Variants in RSRP1 observed in about 807,000 individuals in gnomAD.
RSRP1 encodes the protein arginine/serine-rich protein 1.
In RSRP1, 37 loss-of-function variants were observed where a neutral mutation model predicts 33.0. The observed-to-expected ratio is 1.12, with a 90% CI of 0.86 to 1.48. The LOEUF is 1.48. Among genes scored for constraint, RSRP1 ranks in the 40% most tolerant of loss-of-function variants. RSRP1 has a pLI of 0.00. For missense variants in RSRP1, 402 were observed against 385.3 expected, an observed-to-expected ratio of 1.04 and a Z score of -0.36; for synonymous variants, 167 against 158.7, an observed-to-expected ratio of 1.05 and a Z score of -0.40.
chr1:25,321,373 A>G (rs1644689347), intron 1 of RSRP1, among the ~76,000 whole-genome samples: 1 of 124,888 alleles, frequency 8.0e-6, no homozygotes, highest in Non-Finnish European at 1.9e-5. Context: ...AAATGTCTAC[A>G]GAATCGGCCA....
intron 1 of RSRP1, among the ~76,000 whole-genome samples, chr1:25,306,385 A>G (rs1643837244): frequency 7.6e-6 from 1 of 130,782 alleles, no homozygotes; most frequent in South Asian, 2.3e-4. Context: ...ATGCTGTTAG[A>G]CCCCACCCCA....
rs866686488 is a variant in RSRP1 at position 25,299,309 on chromosome 1, C to T, written c.-67+38669G>A. ...AAGCAGGAGAATCGCTTGAACCCAA[C>T]GGGTGGAGGTTGCAGTGAGCCAAGA... is the stretch of plus-strand genomic sequence containing the variant. On this transcript the variant is annotated intron_variant, in intron 1 of 1. Coordinates refer to the RSRP1 transcript ENST00000561867. Among the ~76,000 whole-genome samples the T allele has an allele frequency of 6.1e-5, 8 of 130,256 alleles. 2 individuals are homozygous for T. The highest frequency in any genetic ancestry group is 2.3e-4 in the South Asian group (1 of 4,288). 85.5% of individuals were successfully genotyped at this position (130,256 alleles called of 152,430 possible). A position where few individuals can be genotyped will look rare whatever the true frequency, so the allele number is the denominator to read the frequency against.
chr1:25,311,098 G>A lies in RSRP1; in HGVS notation c.-67+26880C>T, dbSNP rs151179488. Among the ~76,000 whole-genome samples, 25 of 132,800 alleles carry A rather than the reference G, an allele frequency of 1.9e-4. 4 individuals carry two copies. In the East Asian group the frequency reaches 2.5e-3, roughly 13 times the overall value. The allele number at this position is 132,800 out of a possible 152,430, so 87.1% of individuals were successfully genotyped here. ...GAACTTCTTAATGGTTACTGAAGTCGTTGAGATCAGAGTGCTGATAGAAAT... is the reference window on the plus strand; with the variant it reads ...GAACTTCTTAATGGTTACTGAAGTCATTGAGATCAGAGTGCTGATAGAAAT... On this transcript the variant is annotated intron_variant, in intron 1 of 1. Coordinates refer to the RSRP1 transcript ENST00000561867.
Position 25,270,945 on chromosome 1 carries a change from A to G in RSRP1, c.-66-23916T>C, listed in dbSNP as rs527411094. Among the ~76,000 whole-genome samples the G allele has an allele frequency of 1.5e-5, 2 of 130,312 alleles. 1 individual carries two copies. The highest frequency in any genetic ancestry group is 5.2e-5 in the African/African-American group (2 of 38,214). 85.5% of individuals were successfully genotyped at this position (130,312 alleles called of 152,430 possible). A position where few individuals can be genotyped will look rare whatever the true frequency, so the allele number is the denominator to read the frequency against. On this transcript the variant is annotated intron_variant, in intron 1 of 1. Transcript: ENST00000561867. ...AACTTTTTTCTATGCGTGTGCTAACATATTATTTTATAAGAGTGGGAATAT... is the reference window on the plus strand; with the variant it reads ...AACTTTTTTCTATGCGTGTGCTAACGTATTATTTTATAAGAGTGGGAATAT...
chr1:25,332,832 T>C (rs1437234985), intron 1 of RSRP1, among the ~76,000 whole-genome samples: 3 of 132,306 alleles, frequency 2.3e-5, no homozygotes, highest in South Asian at 4.6e-4. Context: ...TACATAGATA[T>C]ATAAGAGAGG....
At chr1:25,245,051 C>G in intron 3 of RSRP1, 99 bp downstream of exon 3, 2 of 1,608,086 alleles carry the variant, frequency 1.2e-6, no homozygotes, top group Non-Finnish European at 1.7e-6. Context: ...ATATACATCT[C>G]TAGACTTCCC....
chr1:25,248,473 G>A (rs916282516), upstream of RSRP1, among the ~76,000 whole-genome samples: 1 of 151,296 alleles, frequency 6.6e-6, no homozygotes, highest in African/African-American at 2.4e-5. Context: ...GCACCACCAT[G>A]CTAATTTTTG....
In RSRP1 at chr1:25,300,789, G is replaced by A. The variant is rs141043452; in HGVS notation, c.-67+37189C>T. 3.8e-4 allele frequency among the ~76,000 whole-genome samples: 50 copies of A among 132,280 alleles called. 13 individuals carry two copies. Among genetic ancestry groups the A allele is most frequent in the Non-Finnish European group, 7.0e-4 (39 of 55,844 alleles). The allele number at this position is 132,280 out of a possible 152,430, so 86.8% of individuals were successfully genotyped here. A position where few individuals can be genotyped will look rare whatever the true frequency, so the allele number is the denominator to read the frequency against. On this transcript the variant is annotated intron_variant, in intron 1 of 1. Coordinates refer to the RSRP1 transcript ENST00000561867. ...GTGCCATTGCACTCCAGCCTGGGCA[G>A]AGCCTGCTGGGTTGGGCTGGGTAAG... is the stretch of plus-strand genomic sequence containing the variant.
chr1:25,261,837 G>A lies in RSRP1; in HGVS notation c.-66-14808C>T, dbSNP rs564612003. Among the ~76,000 whole-genome samples, 710 of 147,612 alleles carry A rather than the reference G, an allele frequency of 4.8e-3. 2 individuals carry two copies. Among genetic ancestry groups the A allele is most frequent in the African/African-American group, 0.017 (660 of 39,402 alleles). On this transcript the variant is annotated intron_variant, in intron 1 of 1. Transcript: ENST00000561867. ...AGCGATTCTCCCACCTCTGCCTCCC[G>A]TGTAGCTGGGATCACAGGCACACGC...
rs372491274 is a variant in RSRP1 at position 25,303,502 on chromosome 1, C to A, written c.-67+34476G>T. ...TAACCTCCTCTGCTTTGGCTGAAGG[C>A]CAGCAGGACGCTGGGACCTGATGGG... On this transcript the variant is annotated intron_variant, in intron 1 of 1. Coordinates refer to the RSRP1 transcript ENST00000561867. The A allele has an allele frequency of 1.1e-4, 155 of 1,373,562 alleles. 17 individuals are homozygous for A. In the African/African-American group the frequency reaches 2.0e-3, roughly 17 times the overall value. 85.1% of individuals were successfully genotyped at this position (1,373,562 alleles called of 1,614,324 possible).
chr1:25,279,282 G>C (rs1012388678), intron 1 of RSRP1, among the ~76,000 whole-genome samples: 1 of 128,478 alleles, frequency 7.8e-6, no homozygotes, highest in Non-Finnish European at 1.8e-5. Context: ...GAAGTGACTT[G>C]CATGAGCCAG....
At chr1:25,251,317 T>C (rs1639773387), upstream of RSRP1, among the ~76,000 whole-genome samples, 1 of 152,238 alleles carries the variant, frequency 6.6e-6, no homozygotes, top group South Asian at 2.1e-4. Context: ...ATTATGGTTA[T>C]TTATTACCAC....
At chr1:25,312,944 A>AAAAAAAAAG (rs1644237572) in intron 1 of RSRP1, among the ~76,000 whole-genome samples, 1 of 109,944 alleles carries the variant, frequency 9.1e-6, no homozygotes, top group South Asian at 2.8e-4. Context: ...AAAAAAAAAA[A>AAAAAAAAAG]AAAAAAAAAA....
intron 1 of RSRP1, 114 bp from the exon 2 acceptor site, chr1:25,247,143 G>T: frequency 6.1e-6 from 4 of 650,908 alleles, no homozygotes; most frequent in Non-Finnish European, 9.7e-6. Flanking sequence ...GGCGGCGACC[G>T]CCGCGACAGG....
In RSRP1 at chr1:25,332,948, A is replaced by G. The variant is rs1010693468; in HGVS notation, c.-67+5030T>C. 3.8e-5 allele frequency among the ~76,000 whole-genome samples: 5 copies of G among 131,788 alleles called. 1 individual carries two copies. Among genetic ancestry groups the G allele is most frequent in the African/African-American group, 1.3e-4 (5 of 38,644 alleles). The allele number at this position is 131,788 out of a possible 152,430, so 86.5% of individuals were successfully genotyped here. Reference sequence around the variant, plus strand: ...GGATACTGGTAGCATGGCTCAGTCCAAGTCCCAAAGTCTCAGAATCAGGAA... The same window carrying G: ...GGATACTGGTAGCATGGCTCAGTCCGAGTCCCAAAGTCTCAGAATCAGGAA... On this transcript the variant is annotated intron_variant, in intron 1 of 1. Transcript: ENST00000561867.
In RSRP1 at chr1:25,242,659, T is replaced by A; in HGVS notation, c.803A>T (p.Glu268Val). 6.2e-7 allele frequency: 1 copy of A among 1,612,156 alleles called. No individual in the cohort carries two copies. The highest frequency in any genetic ancestry group is 8.5e-7 in the Non-Finnish European group (1 of 1,179,944). The stretch of plus-strand genomic sequence containing the variant: ...TTTTGGTGATCTTGAAGATGCCTCT[T>A]CTGTGGCAGCTTTAGCTGATTTTTG... ...PIQKSAKAAT[E>V]EASSRSPKID... is the part of the protein sequence containing the mutation. Residue 268 changes from glutamate (E) to valine (V), a missense_variant, in exon 5 of 5, where the codon GAA (glutamate) becomes GTA (valine). Glu to Val is a moderately radical substitution (Grantham distance 121). Transcript: ENST00000243189.
chr1:25,254,453 T>C (rs758979787), intron 1 of RSRP1, among the ~76,000 whole-genome samples: 46 of 152,126 alleles, frequency 3.0e-4, no homozygotes, highest in Admixed American at 6.5e-4. Flanking sequence ...TGTTTTGTTT[T>C]GAGACAGAGT....
chr1:25,320,104 G>A (rs1235081576), intron 1 of RSRP1, among the ~76,000 whole-genome samples: 1 of 130,964 alleles, frequency 7.6e-6, no homozygotes, highest in East Asian at 2.0e-4. Flanking sequence ...CTCCATGTTG[G>A]TCATGCTGGT....
intron 1 of RSRP1, among the ~76,000 whole-genome samples, chr1:25,332,075 C>T (rs2986143): frequency 8.5e-6 from 1 of 117,698 alleles, no homozygotes. Flanking sequence ...GAGTCTTGCT[C>T]TGTTGCCCAA....
Sources: gnomAD v4.1 joint callset for allele counts (sites outside exome capture counted in the v4.1 genomes callset) on GRCh38, gnomAD v4.1.1 for gene constraint, MANE v1.5 for transcripts, NCBI Gene and HGNC (gene_info 2026-07-23, HGNC 2026-07-21) for gene names.